The following LRP1B variants were observed in gnomAD, a reference collection of about 807,000 sequenced individuals.
LRP1B encodes the protein low-density lipoprotein receptor-related protein 1B.
A neutral mutation model predicts 556.6 loss-of-function variants in LRP1B; 217 were observed. The observed-to-expected ratio is 0.39, with a 90% CI of 0.35 to 0.44. The LOEUF is 0.44. LRP1B is among the 20% of genes least tolerant of loss of function. The probability of loss-of-function intolerance (pLI) is 1.00; values close to 1 mark genes in which losing one functional copy is unlikely to be tolerated. For missense variants in LRP1B, 5,053 were observed against 5,620.8 expected (o/e 0.90, Z 3.23); for synonymous variants, 2,047 against 1,865.8 (o/e 1.10, Z -2.50).
At chr2:141,676,258 C>T (rs1013839934) in intron 2 of LRP1B, among the ~76,000 whole-genome samples, 2 of 151,896 alleles carry the variant, frequency 1.3e-5, no homozygotes, top group African/African-American at 4.8e-5. Context: ...ATCCCCAGTG[C>T]CAAGCAGTGA....
At chr2:140,693,228 T>A (rs1162075648) in intron 41 of LRP1B, among the ~76,000 whole-genome samples, 1 of 152,210 alleles carries the variant, frequency 6.6e-6, no homozygotes, top group Admixed American at 6.5e-5. Flanking sequence ...TATATTTCTT[T>A]AAAATTGCCT....
In LRP1B at chr2:140,702,159, T is replaced by C. The variant is rs1239045563; in HGVS notation, c.6284A>G (p.Tyr2095Cys). ...AAATTACCTGTCAGACCAGTAGATG[T>C]AAGCCCCAAAGACTGCAACTGAAAA... Reference protein sequence around the residue: ...DMFSVAVFGAYIYWSDRAHAN... With the variant: ...DMFSVAVFGACIYWSDRAHAN... Residue 2095 changes from tyrosine to cysteine, a missense_variant, in exon 39 of 91, where the codon TAC becomes TGC. This residue lies in a region of LRP1B where 3,619 missense variants were observed against 3,931.9 expected (regional missense o/e 0.92). Transcript: ENST00000389484. The C allele has an allele frequency of 6.2e-7, 1 of 1,613,262 alleles. No homozygotes were observed. The highest frequency in any genetic ancestry group is 1.3e-5 in the African/African-American group (1 of 74,880).
intron 7 of LRP1B, among the ~76,000 whole-genome samples, chr2:141,091,122 C>T (rs1050185088): frequency 2.0e-5 from 3 of 151,698 alleles, no homozygotes; most frequent in African/African-American, 7.3e-5. Context: ...TTTGTGTTTC[C>T]CACACAATGA....
intron 3 of LRP1B, among the ~76,000 whole-genome samples, chr2:141,278,961 G>A (rs990407732): frequency 1.3e-5 from 2 of 152,044 alleles, no homozygotes; most frequent in African/African-American, 2.4e-5. Flanking sequence ...ACTTGGTTCC[G>A]TTTTATTGGA....
chr2:141,387,847 T>A (rs1689887474), intron 3 of LRP1B, among the ~76,000 whole-genome samples: 1 of 152,006 alleles, frequency 6.6e-6, no homozygotes. Context: ...GGGAAGAAAC[T>A]GCAAGAAAAG....
chr2:141,477,425 A>C (rs1159706528), intron 3 of LRP1B, among the ~76,000 whole-genome samples: 1 of 152,158 alleles, frequency 6.6e-6, no homozygotes, highest in East Asian at 1.9e-4. Flanking sequence ...CTGGTTCCTA[A>C]TTAACTCTCC....
chr2:141,652,164 TA>T (rs939190759), intron 2 of LRP1B, among the ~76,000 whole-genome samples: 3 of 152,210 alleles, frequency 2.0e-5, no homozygotes, highest in African/African-American at 7.2e-5. Flanking sequence ...AGTGACATTA[TA>T]AAGCTTTTGA....
chr2:140,902,346 T>C (rs1395694937), intron 23 of LRP1B, among the ~76,000 whole-genome samples: 11 of 152,034 alleles, frequency 7.2e-5, no homozygotes, highest in Non-Finnish European at 1.6e-4. Context: ...TGGGCAACAT[T>C]ACTTGAAAAA....
chr2:141,114,137 C>T (rs895477610), intron 7 of LRP1B, among the ~76,000 whole-genome samples: 16 of 152,236 alleles, frequency 1.1e-4, no homozygotes, highest in Non-Finnish European at 2.1e-4. Flanking sequence ...TGCTCAAACC[C>T]CTTATGGGAG....
At chr2:140,596,365 G>A (rs1682440258) in intron 43 of LRP1B, among the ~76,000 whole-genome samples, 1 of 152,274 alleles carries the variant, frequency 6.6e-6, no homozygotes, top group Middle Eastern at 3.4e-3. Context: ...AGGGGATAAT[G>A]TGTCACTTAG....
At chr2:141,843,490 G>A (rs892952581) in intron 1 of LRP1B, among the ~76,000 whole-genome samples, 3 of 152,122 alleles carry the variant, frequency 2.0e-5, no homozygotes, top group African/African-American at 2.4e-5. Context: ...GTTGTGCCCC[G>A]AGTGAGAATA....
intron 32 of LRP1B, among the ~76,000 whole-genome samples, chr2:140,791,021 C>T (rs573210150): frequency 6.6e-5 from 10 of 151,174 alleles, no homozygotes; most frequent in East Asian, 2.0e-4. Context: ...TTTGGGAGGC[C>T]GAGGAGGGTG....
chr2:141,034,437 A>G (rs113506535), intron 11 of LRP1B, among the ~76,000 whole-genome samples: 26,339 of 151,790 alleles, frequency 0.17, 2,483 homozygotes, highest in African/African-American at 0.24. Flanking sequence ...ACAAAATGGG[A>G]GAAAATTTTC....
At chr2:141,124,846 A>G (rs913832964) in intron 7 of LRP1B, among the ~76,000 whole-genome samples, 1 of 152,068 alleles carries the variant, frequency 6.6e-6, no homozygotes, top group Non-Finnish European at 1.5e-5. Flanking sequence ...ATGTATATGC[A>G]TATCTTGAGA....
chr2:140,543,615 T>C (rs1045178584), intron 43 of LRP1B, among the ~76,000 whole-genome samples: 2 of 151,802 alleles, frequency 1.3e-5, no homozygotes, highest in African/African-American at 2.4e-5. Flanking sequence ...AAAACAGGGG[T>C]GATCACTCTC....
intron 2 of LRP1B, among the ~76,000 whole-genome samples, chr2:141,573,466 G>C (rs945152249): frequency 2.0e-5 from 3 of 152,048 alleles, no homozygotes; most frequent in Non-Finnish European, 4.4e-5. Flanking sequence ...GAAATTTATA[G>C]CACTAAATGC....
At chr2:141,321,055 A>C (rs1256709606) in intron 3 of LRP1B, among the ~76,000 whole-genome samples, 1 of 152,128 alleles carries the variant, frequency 6.6e-6, no homozygotes, top group Admixed American at 6.6e-5. Context: ...AAAACTGTTA[A>C]TTCAATAAAC....
chr2:141,428,897 AG>A (rs1487688845), intron 3 of LRP1B, among the ~76,000 whole-genome samples: 1 of 152,208 alleles, frequency 6.6e-6, no homozygotes, highest in African/African-American at 2.4e-5. Context: ...TGCCTGGATT[AG>A]ATTGGAGATT....
chr2:140,687,069 G>A (rs1378569037), intron 41 of LRP1B, among the ~76,000 whole-genome samples: 1 of 152,108 alleles, frequency 6.6e-6, no homozygotes, highest in Non-Finnish European at 1.5e-5. Flanking sequence ...AACAGATTTT[G>A]CTCAAATAGA....
Sources: gnomAD v4.1 joint callset for allele counts (sites outside exome capture counted in the v4.1 genomes callset) on GRCh38, gnomAD v4.1.1 for gene constraint, gnomAD v4.1.1 regional missense constraint, MANE v1.5 for transcripts, NCBI Gene and HGNC (gene_info 2026-07-23, HGNC 2026-07-21) for gene names.